Variants in SIPA1L3 observed in about 807,000 individuals in gnomAD.
SIPA1L3 encodes signal-induced proliferation-associated 1-like protein 3.
In SIPA1L3, 59 loss-of-function variants were observed where a neutral mutation model predicts 150.1. That is an observed-to-expected ratio of 0.39 (90% CI 0.32 to 0.49). The LOEUF (loss-of-function observed/expected upper bound fraction) is 0.49. Among genes scored for constraint, SIPA1L3 ranks in the 20% least tolerant of loss-of-function variants. The pLI is 0.86. For synonymous variants in SIPA1L3, 1,070 were observed against 1,077.6 expected (o/e 0.99, Z 0.14); for missense variants, 2,211 against 2,489.5 (o/e 0.89, Z 2.38).
chr19:38,058,048 C>T (rs994820990), intron 2 of SIPA1L3, among the ~76,000 whole-genome samples: 1 of 152,034 alleles, frequency 6.6e-6, no homozygotes, highest in Non-Finnish European at 1.5e-5. Context: ...GTCTGTTGTC[C>T]TGGGGAGTGG....
chr19:38,197,517 T>C (rs1972987581), intron 18 of SIPA1L3, among the ~76,000 whole-genome samples: 1 of 151,816 alleles, frequency 6.6e-6, no homozygotes, highest in African/African-American at 2.4e-5. Flanking sequence ...ACACTGTCCA[T>C]ACACTGGCGA....
At chr19:38,205,111 G>A (rs1169019584) in intron 21 of SIPA1L3, among the ~76,000 whole-genome samples, 1 of 152,174 alleles carries the variant, frequency 6.6e-6, no homozygotes, top group Non-Finnish European at 1.5e-5. Flanking sequence ...CCATGGTTGA[G>A]AGGGCCATCT....
chr19:38,149,605 C>T (rs1013546265), intron 12 of SIPA1L3, among the ~76,000 whole-genome samples: 1 of 152,238 alleles, frequency 6.6e-6, no homozygotes, highest in African/African-American at 2.4e-5. Context: ...CAGGCCCCCC[C>T]TCCTTGATGT....
At chr19:38,155,935 A>G (rs1054474279) in intron 13 of SIPA1L3, among the ~76,000 whole-genome samples, 6 of 152,030 alleles carry the variant, frequency 3.9e-5, no homozygotes, top group African/African-American at 1.4e-4. Context: ...ACAAAAATTA[A>G]CCAGGCGTGA....
rs188291457 is a variant in SIPA1L3, at chr19:37,930,173, C to T, written c.-379+22815C>T. ...CCGAGTAGCTGGGACTACGGGCGCC[C>T]GCCACCACACCCGGCTATTTTGTAT... is the stretch of plus-strand genomic sequence containing the variant. On this transcript the variant is annotated intron_variant, in intron 1 of 21. Transcript: ENST00000222345. Among the ~76,000 whole-genome samples the T allele has an allele frequency of 2.7e-3, 412 of 152,082 alleles. 4 individuals carry two copies. The highest frequency in any genetic ancestry group is 9.0e-3 in the African/African-American group (374 of 41,482).
At chr19:38,163,810 C>T (rs1369592893) in intron 14 of SIPA1L3, among the ~76,000 whole-genome samples, 4 of 152,208 alleles carry the variant, frequency 2.6e-5, no homozygotes, top group Non-Finnish European at 4.4e-5. Context: ...ATGGGCCATG[C>T]TGGGAACTCT....
At chr19:38,166,343 G>C (rs1370172556) in intron 15 of SIPA1L3, among the ~76,000 whole-genome samples, 1 of 151,818 alleles carries the variant, frequency 6.6e-6, no homozygotes, top group East Asian at 2.0e-4. Flanking sequence ...TGTAGTCCCA[G>C]CTACTTGGGA....
intron 16 of SIPA1L3, among the ~76,000 whole-genome samples, chr19:38,183,654 G>A (rs1392772427): frequency 6.6e-6 from 1 of 152,226 alleles, no homozygotes; most frequent in African/African-American, 2.4e-5. Flanking sequence ...AGGCTGGAGG[G>A]AGAACTTTGG....
rs1407727352 is a variant in SIPA1L3 at position 37,999,925 on chromosome 19, GC to G, written c.-378-29161del. Among the ~76,000 whole-genome samples the G allele has an allele frequency of 2.0e-5, 3 of 152,182 alleles. No homozygotes were observed. In the East Asian group the frequency reaches 5.8e-4, roughly 29 times the overall value. On this transcript the variant is annotated intron_variant, in intron 1 of 21. Coordinates refer to ENST00000222345, the MANE Select transcript of SIPA1L3 (RefSeq NM_015073.3). ...GGAAAGAAGGTACCTGGGGCCAGAT[GC>G]CCTGGATTCAAATCCCACCACCCCC...
chr19:38,152,527 C>A (rs1233930161), intron 12 of SIPA1L3, among the ~76,000 whole-genome samples: 1 of 152,180 alleles, frequency 6.6e-6, no homozygotes. Context: ...AAAACAGGAC[C>A]CCTGAGAGGA....
At chr19:38,018,315 C>A (rs1968288117) in intron 1 of SIPA1L3, among the ~76,000 whole-genome samples, 1 of 151,814 alleles carries the variant, frequency 6.6e-6, no homozygotes, top group Admixed American at 6.6e-5. Context: ...AAGCGCGCAC[C>A]ATCACGCCTG....
chr19:38,068,150 G>A (rs996874394), intron 2 of SIPA1L3, among the ~76,000 whole-genome samples: 3 of 151,546 alleles, frequency 2.0e-5, no homozygotes, highest in African/African-American at 4.9e-5. Flanking sequence ...AGCCTCCCGC[G>A]TAGCTGGGAC....
At chr19:38,182,981 G>A in intron 16 of SIPA1L3, 1 of 477,910 alleles carries the variant, frequency 2.1e-6, no homozygotes, top group Non-Finnish European at 3.7e-6. Flanking sequence ...GGTCAATGGT[G>A]GTTATCCTTG....
intron 1 of SIPA1L3, among the ~76,000 whole-genome samples, chr19:37,944,713 G>T (rs1407594589): frequency 2.0e-5 from 3 of 152,092 alleles, no homozygotes; most frequent in Non-Finnish European, 2.9e-5. Context: ...CACTTTGGGA[G>T]GCTGAGGCGG....
At chr19:37,980,929 T>C (rs902927408) in intron 1 of SIPA1L3, among the ~76,000 whole-genome samples, 3 of 152,194 alleles carry the variant, frequency 2.0e-5, no homozygotes, top group Non-Finnish European at 2.9e-5. Context: ...TTCTTTCTAG[T>C]CATGAGACAC....
chr19:37,940,396 T>C (rs748263774), intron 1 of SIPA1L3, among the ~76,000 whole-genome samples: 4 of 152,218 alleles, frequency 2.6e-5, no homozygotes, highest in Admixed American at 1.3e-4. Context: ...TGTATTATTT[T>C]AACGCTAAAT....
chr19:38,066,366 C>T (rs1171590074), intron 2 of SIPA1L3, among the ~76,000 whole-genome samples: 1 of 152,074 alleles, frequency 6.6e-6, no homozygotes. Flanking sequence ...AATAGAGGCA[C>T]CCGGATTCAC....
At chr19:38,062,166 C>A (rs938563726) in intron 2 of SIPA1L3, among the ~76,000 whole-genome samples, 4 of 152,076 alleles carry the variant, frequency 2.6e-5, no homozygotes, top group Non-Finnish European at 5.9e-5. Context: ...CCCTCTGGTA[C>A]ATATTAGGGC....
intron 10 of SIPA1L3, 33 bp from the exon 11 acceptor site, chr19:38,141,151 G>C: frequency 1.9e-6 from 3 of 1,543,564 alleles, no homozygotes; most frequent in Non-Finnish European, 2.6e-6. Flanking sequence ...GGTGGGCTGG[G>C]GCCTTTCTGA....
Sources: gnomAD v4.1 joint callset for allele counts (sites outside exome capture counted in the v4.1 genomes callset) on GRCh38, gnomAD v4.1.1 for gene constraint, MANE v1.5 for transcripts, NCBI Gene and HGNC (gene_info 2026-07-23, HGNC 2026-07-21) for gene names.